Variants in MAP3K2 observed in about 807,000 individuals in gnomAD.
MAP3K2 encodes the protein mitogen-activated protein kinase kinase kinase 2.
Under a neutral mutation model 80.3 loss-of-function variants are expected in MAP3K2, and 24 were observed. The observed-to-expected ratio is 0.30, with a 90% CI of 0.22 to 0.42. The LOEUF (loss-of-function observed/expected upper bound fraction) is 0.42. MAP3K2 is among the 10% of genes least tolerant of loss of function. The probability of loss-of-function intolerance (pLI) is 1.00; values close to 1 mark genes in which losing one functional copy is unlikely to be tolerated. For synonymous variants in MAP3K2, 244 were observed against 253.7 expected (o/e 0.96, Z 0.36); for missense variants, 608 against 750.1 (o/e 0.81, Z 2.21).
chr2:127,320,658 G>A (rs910924445), intron 12 of MAP3K2, among the ~76,000 whole-genome samples: 1 of 152,166 alleles, frequency 6.6e-6, no homozygotes, highest in African/African-American at 2.4e-5. Context: ...AATATACCTA[G>A]ACACGTCATA....
intron 4 of MAP3K2, among the ~76,000 whole-genome samples, chr2:127,337,047 C>T (rs973834288): frequency 1.3e-5 from 2 of 151,924 alleles, no homozygotes; most frequent in South Asian, 2.1e-4. Context: ...GAGGCTGAGG[C>T]AGGAGAATTG....
chr2:127,328,846 C>A (rs750292902), intron 7 of MAP3K2, among the ~76,000 whole-genome samples: 12 of 152,256 alleles, frequency 7.9e-5, no homozygotes, highest in Middle Eastern at 3.4e-3. Flanking sequence ...TTTTTAGATT[C>A]CCAACCACAT....
intron 1 of MAP3K2, among the ~76,000 whole-genome samples, chr2:127,377,935 G>T (rs1279807289): frequency 6.6e-6 from 1 of 152,180 alleles, no homozygotes; most frequent in Non-Finnish European, 1.5e-5. Context: ...AGTGAGCTGA[G>T]ATCACACCAC....
At chr2:127,378,643 A>T (rs897793229) in intron 1 of MAP3K2, among the ~76,000 whole-genome samples, 10 of 152,228 alleles carry the variant, frequency 6.6e-5, no homozygotes, top group Admixed American at 2.6e-4. Flanking sequence ...TAGTCACAAA[A>T]ACTGTTAAAT....
At position 127,364,420 on chromosome 2, in the gene MAP3K2, CT is replaced by C. The variant is rs1458764785; in HGVS notation, c.-65-21227del. On this transcript the variant is annotated intron_variant, in intron 1 of 16. Coordinates refer to ENST00000682094, the MANE Select transcript of MAP3K2 (RefSeq NM_001371910.2). This position sits in a 1 kb window ranked among gnomAD's most constrained non-coding sequence, Gnocchi z 4.1. ...CCTTTTTTCTACTTGTCCAAACCAT[CT>C]TTTAAGGGCCCAGCTTAAGCCCTCC... Among the ~76,000 whole-genome samples the C allele has an allele frequency of 1.3e-5, 2 of 152,166 alleles. No homozygotes were observed. The highest frequency in any genetic ancestry group is 2.9e-5 in the Non-Finnish European group (2 of 68,030).
At chr2:127,384,761 C>G (rs1687315318) in intron 1 of MAP3K2, among the ~76,000 whole-genome samples, 1 of 152,006 alleles carries the variant, frequency 6.6e-6, no homozygotes, top group Admixed American at 6.6e-5. Flanking sequence ...CTCCCCGGCT[C>G]AAGCACTCTC....
chr2:127,352,273 C>T (rs1204273084), intron 1 of MAP3K2, among the ~76,000 whole-genome samples: 1 of 151,998 alleles, frequency 6.6e-6, no homozygotes, highest in Non-Finnish European at 1.5e-5. Flanking sequence ...TGATCCCATC[C>T]CCACCACTGC....
rs1685565621 is a variant in MAP3K2, at chr2:127,300,257, T to TA, written c.*7321dup. On this transcript the variant is annotated 3_prime_UTR_variant, in exon 17 of 17. Coordinates refer to ENST00000682094, the MANE Select transcript of MAP3K2 (RefSeq NM_001371910.2). ...CATCAACAATTATTGGTCAGAGTAG[T>TA]AAATCAGTGTACAAATTAAACATTT... 1 of 152,144 alleles carries TA rather than the reference T, an allele frequency of 6.6e-6. No individual in the cohort carries two copies. The highest frequency in any genetic ancestry group is 1.5e-5 in the Non-Finnish European group (1 of 67,978). 9.4% of individuals were successfully genotyped at this position (152,144 alleles called of 1,614,324 possible).
intron 1 of MAP3K2, among the ~76,000 whole-genome samples, chr2:127,376,583 G>T (rs970704573): frequency 6.6e-6 from 1 of 152,122 alleles, no homozygotes; most frequent in South Asian, 2.1e-4. Context: ...CCGTACAGGG[G>T]CTGCTCCCAT....
chr2:127,384,288 A>G (rs985597433), intron 1 of MAP3K2, among the ~76,000 whole-genome samples: 3 of 151,914 alleles, frequency 2.0e-5, no homozygotes, highest in Non-Finnish European at 4.4e-5. Context: ...TATTGTAAAC[A>G]TAACTTTATA....
rs1372177140 is a variant in MAP3K2, at chr2:127,322,507, G to C, written c.839-255C>G. ...TTAAAAAGGAACCTCCTCACTTCTG[G>C]ATAAAAAGGAGGAAAAAAATTTACT... is the stretch of plus-strand genomic sequence containing the variant. On this transcript the variant is annotated intron_variant, in intron 11 of 16. Transcript: ENST00000682094. This position sits in a 1 kb window ranked among gnomAD's most constrained non-coding sequence, Gnocchi z 4.2. 6.6e-6 allele frequency among the ~76,000 whole-genome samples: 1 copy of C among 152,008 alleles called. No individual in the cohort carries two copies. Among genetic ancestry groups the C allele is most frequent in the Non-Finnish European group, 1.5e-5 (1 of 68,002 alleles).
intron 1 of MAP3K2, among the ~76,000 whole-genome samples, chr2:127,369,114 T>G (rs1574005200): frequency 0.029 from 2 of 70 alleles, no homozygotes; most frequent in African/African-American, 0.1. Flanking sequence ...CGCCCAGCTA[T>G]TTTTTTTTTG....
rs1300882071 is a variant in MAP3K2, at chr2:127,339,680, A to G, written c.5-630T>C. ...TCCTTAGAAAAAGTACCAAGTCCATAAAACTGAGAGAAAGCATCATGAACA... is the reference window on the plus strand; with the variant it reads ...TCCTTAGAAAAAGTACCAAGTCCATGAAACTGAGAGAAAGCATCATGAACA... On this transcript the variant is annotated intron_variant, in intron 2 of 16. Coordinates refer to ENST00000682094, the MANE Select transcript of MAP3K2 (RefSeq NM_001371910.2). The surrounding 1 kb of genome is among the most constrained non-coding windows in gnomAD (Gnocchi z 4.2). Among the ~76,000 whole-genome samples, 2 of 152,224 alleles carry G rather than the reference A, an allele frequency of 1.3e-5. No individual in the cohort carries two copies. The highest frequency in any genetic ancestry group is 4.8e-5 in the African/African-American group (2 of 41,472).
At chr2:127,326,479 A>T (rs1294138250) in intron 8 of MAP3K2, among the ~76,000 whole-genome samples, 1 of 152,182 alleles carries the variant, frequency 6.6e-6, no homozygotes, top group African/African-American at 2.4e-5. Flanking sequence ...CTTATTGAGC[A>T]ATATAAAACC....
chr2:127,305,633 G>A lies in MAP3K2; in HGVS notation c.*1946C>T, dbSNP rs1325491252. The A allele has an allele frequency of 6.6e-6, 1 of 152,058 alleles. No individual in the cohort carries two copies. The allele number at this position is 152,058 out of a possible 1,614,324, so 9.4% of individuals were successfully genotyped here. ...TGAGTCCCTTATGAATCCCATGAAA[G>A]GGATTCTGGGGCCTCCAGGAAGACT... On this transcript the variant is annotated 3_prime_UTR_variant, in exon 17 of 17. Coordinates refer to ENST00000682094, the MANE Select transcript of MAP3K2 (RefSeq NM_001371910.2).
chr2:127,347,267 C>T (rs1238448266), intron 1 of MAP3K2, among the ~76,000 whole-genome samples: 2 of 152,054 alleles, frequency 1.3e-5, no homozygotes. Flanking sequence ...ATGAAATAAA[C>T]GGAATCCAGA....
intron 12 of MAP3K2, among the ~76,000 whole-genome samples, chr2:127,319,235 G>GA (rs11305589): frequency 2.5e-3 from 298 of 120,880 alleles, no homozygotes; most frequent in Non-Finnish European, 3.7e-3. Flanking sequence ...GAATGCAAAA[G>GA]AAAAAAAAAA....
At chr2:127,362,397 TAAAC>T (rs1233225975) in intron 1 of MAP3K2, among the ~76,000 whole-genome samples, 14 of 152,386 alleles carry the variant, frequency 9.2e-5, no homozygotes, top group Admixed American at 2.6e-4. Context: ...AAATGTTTGT[TAAAC>T]AAAATTAAGT....
At chr2:127,362,391 G>C (rs1233819937) in intron 1 of MAP3K2, among the ~76,000 whole-genome samples, 1 of 152,214 alleles carries the variant, frequency 6.6e-6, no homozygotes, top group African/African-American at 2.4e-5. Context: ...TTATGCAAAT[G>C]TTTGTTAAAC....
Sources: allele counts gnomAD v4.1 joint callset (sites outside exome capture counted in the v4.1 genomes callset), GRCh38; gene constraint gnomAD v4.1.1; non-coding constraint Gnocchi (gnomAD v3.1); transcripts MANE v1.5; gene names NCBI Gene and HGNC (gene_info 2026-07-23, HGNC 2026-07-21).